NRXN1: variants seen among roughly 807,000 people sequenced by gnomAD.
NRXN1 encodes neurexin 1, also known as neurexin-1.
Under a neutral mutation model 150.9 loss-of-function variants are expected in NRXN1, and 39 were observed. The ratio of observed to expected loss-of-function variants is 0.26; its 90% CI spans 0.20 to 0.34. The LOEUF (loss-of-function observed/expected upper bound fraction) is 0.34. NRXN1 is among the 10% of genes least tolerant of loss of function. The pLI is 1.00. For synonymous variants in NRXN1, 924 were observed against 757.0 expected (o/e 1.22, Z -3.62); for missense variants, 1,815 against 1,949.9 (o/e 0.93, Z 1.30).
At chr2:50,502,965 C>T (rs559099026) in intron 13 of NRXN1, among the ~76,000 whole-genome samples, 5 of 152,104 alleles carry the variant, frequency 3.3e-5, no homozygotes, top group East Asian at 1.9e-4. Context: ...ATTCTAGGGG[C>T]GAAGTGTGGT....
At chr2:50,555,464 G>T (rs2105359383) in intron 8 of NRXN1, among the ~76,000 whole-genome samples, 1 of 152,030 alleles carries the variant, frequency 6.6e-6, no homozygotes, top group African/African-American at 2.4e-5. Context: ...ATAGAAGTAG[G>T]GATAATTCCC....
In NRXN1 at chr2:50,606,017, G is replaced by A. The variant is rs150774877; in HGVS notation, c.1320+14005C>T. Among the ~76,000 whole-genome samples the A allele has an allele frequency of 3.9e-5, 6 of 152,138 alleles. No individual in the cohort carries two copies. The East Asian group carries it at 9.7e-4, about 25-fold the overall frequency. ...TAATCCTAGCACTTTGGGAGGCCAA[G>A]GCAGGCAGATCGCTTGAAGTCAGGA... On this transcript the variant is annotated intron_variant, in intron 8 of 22. Coordinates refer to ENST00000401669, the MANE Select transcript of NRXN1 (RefSeq NM_001330078.2).
chr2:50,159,906 G>T (rs566371174), intron 18 of NRXN1, among the ~76,000 whole-genome samples: 74 of 152,082 alleles, frequency 4.9e-4, no homozygotes, highest in African/African-American at 1.8e-3. Flanking sequence ...ATTATTCAAC[G>T]TCCAAGACTT....
chr2:50,508,563 GA>G (rs1376034719), intron 12 of NRXN1, among the ~76,000 whole-genome samples: 15 of 151,878 alleles, frequency 9.9e-5, no homozygotes, highest in African/African-American at 3.6e-4. Context: ...TTTTTATAGG[GA>G]ACTTTTTTTT....
intron 18 of NRXN1, among the ~76,000 whole-genome samples, chr2:50,216,523 A>G (rs1559108856): frequency 1.3e-5 from 2 of 152,018 alleles, no homozygotes; most frequent in Admixed American, 6.6e-5. Flanking sequence ...TTTTCATTAC[A>G]CCAAATGAAG....
chr2:50,416,909 T>C (rs2083579591), intron 17 of NRXN1, among the ~76,000 whole-genome samples: 1 of 152,132 alleles, frequency 6.6e-6, no homozygotes, highest in Admixed American at 6.6e-5. Flanking sequence ...CCATGTAAAC[T>C]ATTGTTTAGG....
chr2:50,370,047 C>T (rs1422719782), intron 17 of NRXN1, among the ~76,000 whole-genome samples: 2 of 151,982 alleles, frequency 1.3e-5, no homozygotes, highest in African/African-American at 2.4e-5. Flanking sequence ...CAATTTCTAC[C>T]TCTTTTCATT....
At chr2:50,672,198 G>A (rs1297472606) in intron 5 of NRXN1, among the ~76,000 whole-genome samples, 1 of 151,498 alleles carries the variant, frequency 6.6e-6, no homozygotes, top group African/African-American at 2.4e-5. Context: ...TTTTTACACA[G>A]CAATTCAAAA....
At chr2:50,683,165 T>C (rs1173301382) in intron 5 of NRXN1, among the ~76,000 whole-genome samples, 1 of 151,978 alleles carries the variant, frequency 6.6e-6, no homozygotes, top group Admixed American at 6.6e-5. Context: ...GTAATCTACT[T>C]TGTAATCTGT....
chr2:50,885,060 G>A lies in NRXN1; in HGVS notation c.832+36809C>T, dbSNP rs557096452. On this transcript the variant is annotated intron_variant, in intron 5 of 22. Transcript: ENST00000401669. ...CTTAAGAATATAAAATGAGACTTTC[G>A]TTTCAGTATCTAATATTACTAAGCA... is the stretch of plus-strand genomic sequence containing the variant. 3.6e-4 allele frequency among the ~76,000 whole-genome samples: 54 copies of A among 151,614 alleles called. 1 individual carries two copies. The South Asian group carries it at 0.011, about 30-fold the overall frequency.
At chr2:50,445,820 T>G (rs1219618221) in intron 17 of NRXN1, among the ~76,000 whole-genome samples, 1 of 152,142 alleles carries the variant, frequency 6.6e-6, no homozygotes, top group African/African-American at 2.4e-5. Context: ...ACCTAGGGAT[T>G]GGAAAGAGGA....
chr2:50,538,672 A>G, intron 9 of NRXN1, 36 bp from the exon 10 acceptor site: 2 of 1,419,860 alleles, frequency 1.4e-6, no homozygotes, highest in Non-Finnish European at 9.3e-7. Flanking sequence ...AGGTCTTTAA[A>G]AAGCACCAAC....
intron 21 of NRXN1, among the ~76,000 whole-genome samples, chr2:49,960,304 C>T (rs543807393): frequency 6.6e-6 from 1 of 152,118 alleles, no homozygotes; most frequent in African/African-American, 2.4e-5. Flanking sequence ...CTTATAGCAA[C>T]CAGAAACCAC....
At position 50,438,268 on chromosome 2, in the gene NRXN1, A is replaced by G. The variant is rs74583174; in HGVS notation, c.3364+27174T>C. ...AAGAACCCTGAGTTTTTGTGTTTCAATTTGCCTGATTTGCATGTGGATATA... is the reference window on the plus strand; with the variant it reads ...AAGAACCCTGAGTTTTTGTGTTTCAGTTTGCCTGATTTGCATGTGGATATA... On this transcript the variant is annotated intron_variant, in intron 17 of 22. Coordinates refer to ENST00000401669, the MANE Select transcript of NRXN1 (RefSeq NM_001330078.2). Among the ~76,000 whole-genome samples the G allele has an allele frequency of 6.9e-3, 1,052 of 152,310 alleles. 6 individuals carry two copies. Among genetic ancestry groups the G allele is most frequent in the Middle Eastern group, 0.014 (4 of 294 alleles).
chr2:50,442,264 T>G (rs1326375965), intron 17 of NRXN1, among the ~76,000 whole-genome samples: 2 of 152,296 alleles, frequency 1.3e-5, no homozygotes, highest in Non-Finnish European at 2.9e-5. Flanking sequence ...TAGCACATAG[T>G]GGTCCTACAT....
chr2:50,053,828 A>C (rs1693171662), intron 20 of NRXN1, among the ~76,000 whole-genome samples: 2 of 152,214 alleles, frequency 1.3e-5, no homozygotes, highest in African/African-American at 2.4e-5. Context: ...AGACCAATCA[A>C]AGATATGTAT....
intron 2 of NRXN1, among the ~76,000 whole-genome samples, chr2:50,976,672 G>A (rs1695894180): frequency 6.6e-6 from 1 of 151,780 alleles, no homozygotes; most frequent in African/African-American, 2.4e-5. Flanking sequence ...AAGTACTCGG[G>A]AACTGTAACC....
chr2:50,113,958 A>G (rs999369786), intron 18 of NRXN1, among the ~76,000 whole-genome samples: 3 of 152,162 alleles, frequency 2.0e-5, no homozygotes, highest in African/African-American at 4.8e-5. Flanking sequence ...AAAACAAACT[A>G]AGGGTCTGTT....
At chr2:50,699,583 A>G (rs1359346747) in intron 5 of NRXN1, among the ~76,000 whole-genome samples, 2 of 152,034 alleles carry the variant, frequency 1.3e-5, no homozygotes, top group African/African-American at 2.4e-5. Context: ...GCAGCCTCCA[A>G]CCAAAATCCA....
Sources: allele counts gnomAD v4.1 joint callset (sites outside exome capture counted in the v4.1 genomes callset), GRCh38; gene constraint gnomAD v4.1.1; transcripts MANE v1.5; gene names NCBI Gene and HGNC (gene_info 2026-07-23, HGNC 2026-07-21).